PKHD1L1: variants seen among roughly 807,000 people sequenced by gnomAD.
PKHD1L1 encodes fibrocystin-L.
In PKHD1L1, 434 loss-of-function variants were observed where a neutral mutation model predicts 462.9. The observed-to-expected ratio is 0.94, with a 90% CI of 0.87 to 1.02. The LOEUF (loss-of-function observed/expected upper bound fraction) is 1.02, where lower values mean the gene tolerates loss of function less well. Among genes scored for constraint, PKHD1L1 ranks in the 50% least tolerant of loss-of-function variants. PKHD1L1 has a pLI of 0.00. For missense variants in PKHD1L1, 5,202 were observed against 5,096.1 expected (o/e 1.02, Z -0.63); for synonymous variants, 1,781 against 1,750.0 (o/e 1.02, Z -0.44).
At position 109,390,450 on chromosome 8, in the gene PKHD1L1, A is replaced by G. The variant is rs866445361; in HGVS notation, c.698-2A>G. 1 of 1,432,430 alleles carries G rather than the reference A, an allele frequency of 7.0e-7. No individual in the cohort carries two copies. The highest frequency in any genetic ancestry group is 1.4e-5 in the African/African-American group (1 of 69,680). 88.7% of individuals were successfully genotyped at this position (1,432,430 alleles called of 1,614,324 possible). On this transcript the variant is annotated splice_acceptor_variant, in intron 8 of 77. Transcript: ENST00000378402. LOFTEE classifies it high-confidence loss of function. ...TGATTGTGTATTTTCATTAAATTCC[A>G]GGTCATCACAATGTCAGCTTCATCT...
chr8:109,504,592 C>A, intron 68 of PKHD1L1, 100 bp downstream of exon 68: 2 of 654,192 alleles, frequency 3.1e-6, no homozygotes, highest in Non-Finnish European at 4.8e-6. Context: ...AAAATAACTG[C>A]CAGTTTTTAT....
At chr8:109,478,141 A>T (rs1462809890) in intron 53 of PKHD1L1, among the ~76,000 whole-genome samples, 2 of 152,208 alleles carry the variant, frequency 1.3e-5, no homozygotes, top group African/African-American at 4.8e-5. Context: ...ACTACTGTGT[A>T]ACAAGTACAA....
Position 109,497,019 on chromosome 8 carries a change from A to G in PKHD1L1, c.10428A>G (p.Ile3476Met), listed in dbSNP as rs780601450. 4.3e-6 allele frequency: 7 copies of G among 1,613,560 alleles called. No individual in the cohort carries two copies. In the African/African-American group the frequency reaches 6.7e-5, roughly 15 times the overall value. ...NQDGLPGCSL[I>M]QGFTIWTCWD... ...ATGGCCTTCCTGGATGTTCTCTTAT[A>G]CAAGGATTTACCATTTGGACATGCT... The change falls in exon 64 of 78, where the codon ATA becomes ATG. Residue 3476 changes from isoleucine (I) to methionine (M), a missense_variant. Ile to Met is a conservative substitution (Grantham distance 10). Transcript: ENST00000378402.
intron 67 of PKHD1L1, among the ~76,000 whole-genome samples, chr8:109,499,599 C>G (rs1369335646): frequency 2.0e-5 from 3 of 152,026 alleles, no homozygotes; most frequent in African/African-American, 7.2e-5. Flanking sequence ...ATGAAACTGC[C>G]CTTATGAAAT....
intron 21 of PKHD1L1, among the ~76,000 whole-genome samples, chr8:109,416,727 G>T (rs1025720343): frequency 6.6e-6 from 1 of 152,104 alleles, no homozygotes; most frequent in African/African-American, 2.4e-5. Context: ...CAGAAGTCGA[G>T]CCAGCCCTGC....
chr8:109,488,853 T>C (rs79445050), intron 59 of PKHD1L1, among the ~76,000 whole-genome samples: 1 of 151,268 alleles, frequency 6.6e-6, no homozygotes, highest in African/African-American at 2.4e-5. Context: ...ATCCTCATAA[T>C]GTTATGGCAT....
intron 2 of PKHD1L1, among the ~76,000 whole-genome samples, chr8:109,376,564 G>A (rs1244815875): frequency 6.6e-6 from 1 of 152,162 alleles, no homozygotes; most frequent in African/African-American, 2.4e-5. Flanking sequence ...AGTTGGAAAT[G>A]CAGAAATCAC....
chr8:109,511,041 C>T (rs1029586395), intron 71 of PKHD1L1, 107 bp downstream of exon 71: 39 of 1,291,312 alleles, frequency 3.0e-5, no homozygotes, highest in Non-Finnish European at 3.9e-5. Context: ...AGCCTTACAG[C>T]TCATTTCCAA....
intron 53 of PKHD1L1, among the ~76,000 whole-genome samples, chr8:109,477,623 C>G (rs181884389): frequency 7.2e-5 from 11 of 152,272 alleles, no homozygotes; most frequent in Admixed American, 5.2e-4. Flanking sequence ...CTCACAGTTG[C>G]AGAATGTTAG....
intron 22 of PKHD1L1, 122 bp downstream of exon 22, chr8:109,419,382 T>C: frequency 1.5e-6 from 1 of 674,020 alleles, no homozygotes; most frequent in South Asian, 3.3e-5. Context: ...TGAGTCACTC[T>C]TTTATCTGAA....
At chr8:109,480,842 G>T (rs147793325) in intron 55 of PKHD1L1, among the ~76,000 whole-genome samples, 2,120 of 151,986 alleles carry the variant, frequency 0.014, 26 homozygotes, top group Middle Eastern at 0.048. Flanking sequence ...TGGCTTTAAG[G>T]TAAATTAAAA....
chr8:109,373,290 A>G (rs1468953126), intron 2 of PKHD1L1, among the ~76,000 whole-genome samples: 2 of 152,102 alleles, frequency 1.3e-5, no homozygotes, highest in Non-Finnish European at 2.9e-5. Context: ...GTTTATTTGC[A>G]TAGAGGTGTT....
intron 50 of PKHD1L1, among the ~76,000 whole-genome samples, chr8:109,474,756 TATTAATA>T (rs1305881734): frequency 6.6e-6 from 1 of 152,148 alleles, no homozygotes; most frequent in Non-Finnish European, 1.5e-5. Context: ...TAAATAATTA[TATTAATA>T]TATTTAGGCA....
Position 109,486,723 on chromosome 8 carries a change from TC to T in PKHD1L1, c.9783del (p.Ile3263Ter). ...GATGTTGGGATACTGAGTAGGAACA[TC>T]AAAATAGTTGGTGAAGATTACCCCG... Reference protein sequence around the residue: ...AADVGILSRNIKIVGEDYPGW... With the variant: ...AADVGILSRNXKIVGEDYPGW... On this transcript the variant is annotated frameshift_variant, in exon 59 of 78. Coordinates refer to ENST00000378402, the MANE Select transcript of PKHD1L1 (RefSeq NM_177531.6). LOFTEE classifies it high-confidence loss of function. The T allele has an allele frequency of 6.2e-7, 1 of 1,612,512 alleles. No homozygotes were observed. Among genetic ancestry groups the T allele is most frequent in the African/African-American group, 1.3e-5 (1 of 74,908 alleles).
At chr8:109,363,498 T>G (rs899993698) in intron 1 of PKHD1L1, among the ~76,000 whole-genome samples, 1 of 152,200 alleles carries the variant, frequency 6.6e-6, no homozygotes, top group Non-Finnish European at 1.5e-5. Context: ...TTTATATACA[T>G]CCATTTTGAG....
Position 109,498,668 on chromosome 8 carries a change from G to A in PKHD1L1, c.10725G>A (p.Gly3575=), listed in dbSNP as rs747070191. 3.7e-6 allele frequency: 6 copies of A among 1,613,800 alleles called. No individual in the cohort carries two copies. Among genetic ancestry groups the A allele is most frequent in the Middle Eastern group, 1.6e-4 (1 of 6,084 alleles). ...TTTTGGTAAAAGGTGGGAGAAGTGG[G>A]ATTTGTTGGCCTACCTTTGCTTCAG... ...SPRSPSGGRS[G]ICWPTFASAH... is the part of the protein sequence containing the mutation. The change falls in exon 67 of 78, where the codon GGG becomes GGA. Residue 3575 remains glycine (G), a synonymous_variant. Coordinates refer to ENST00000378402, the MANE Select transcript of PKHD1L1 (RefSeq NM_177531.6).
At chr8:109,470,892 G>A in intron 50 of PKHD1L1, 1 of 1,556,572 alleles carries the variant, frequency 6.4e-7, no homozygotes, top group Non-Finnish European at 8.8e-7. Context: ...AACTGAGCCA[G>A]TAGAGGATGG....
At chr8:109,428,085 T>C (rs1243152911) in intron 25 of PKHD1L1, among the ~76,000 whole-genome samples, 1 of 128,120 alleles carries the variant, frequency 7.8e-6, no homozygotes, top group Admixed American at 8.0e-5. Flanking sequence ...TGCAAGGAAA[T>C]AGTTTCTTCT....
chr8:109,495,245 A>C (rs764801526), intron 63 of PKHD1L1, among the ~76,000 whole-genome samples: 3 of 152,074 alleles, frequency 2.0e-5, no homozygotes, highest in African/African-American at 4.8e-5. Context: ...CCAACCACTT[A>C]AAGTGGCTTT....
Sources: gnomAD v4.1 joint callset for allele counts (sites outside exome capture counted in the v4.1 genomes callset) on GRCh38, gnomAD v4.1.1 for gene constraint, MANE v1.5 for transcripts, NCBI Gene and HGNC (gene_info 2026-07-23, HGNC 2026-07-21) for gene names.